BRD4: variants seen among roughly 807,000 people sequenced by gnomAD.
The protein encoded by BRD4 is bromodomain containing 4.
BRD4 carries 16 observed loss-of-function variants against 142.1 expected under a neutral mutation model. The ratio of observed to expected loss-of-function variants is 0.11; its 90% confidence interval spans 0.08 to 0.17. The LOEUF (loss-of-function observed/expected upper bound fraction) is 0.17, where lower values mean the gene tolerates loss of function less well. Ranked by LOEUF, BRD4 falls within the 10% of genes least tolerant of loss-of-function variation. The pLI, the probability that BRD4 is intolerant of heterozygous loss-of-function variation, is 1.00. For synonymous variants in BRD4, 833 were observed against 707.5 expected, an observed-to-expected ratio of 1.18 and a Z score of -2.82; for missense variants, 1,424 against 1,810.9, an observed-to-expected ratio of 0.79 and a Z score of 3.88.
intron 14 of BRD4, among the ~76,000 whole-genome samples, chr19:15,242,144 T>C (rs2047242880): frequency 1.3e-5 from 2 of 152,006 alleles, no homozygotes; most frequent in Admixed American, 1.3e-4. Flanking sequence ...GGGTTAGGAG[T>C]AATCACAGCC....
intron 1 of BRD4, among the ~76,000 whole-genome samples, chr19:15,310,058 G>C (rs1239008670): frequency 1.3e-5 from 2 of 152,008 alleles, no homozygotes; most frequent in Non-Finnish European, 2.9e-5. Context: ...ATAGAGAAAT[G>C]TTAATTCTGT....
Position 15,244,306 on chromosome 19 carries a change from G to A in BRD4, c.2506C>T (p.Pro836Ser), listed in dbSNP as rs1326616087. The A allele has an allele frequency of 6.3e-7, 1 of 1,597,392 alleles. No individual in the cohort carries two copies. The highest frequency in any genetic ancestry group is 1.1e-5 in the South Asian group (1 of 88,100). ...TCAGGCGGCTGGGGCAGGTGAGGGGGCAGCTCAGGCTGCGGCAGGTGCAGG... is the reference window on the plus strand; with the variant it reads ...TCAGGCGGCTGGGGCAGGTGAGGGGACAGCTCAGGCTGCGGCAGGTGCAGG... The part of the protein sequence containing the change: ...PILHLPQPEL[P>S]PHLPQPPEHS... Residue 836 changes from proline to serine, a missense_variant, in exon 13 of 20, where the codon CCC becomes TCC. By Grantham distance (74) the Pro-to-Ser change is moderately conservative. Transcript: ENST00000679869.
chr19:15,294,725 A>T (rs1180380056), intron 1 of BRD4, among the ~76,000 whole-genome samples: 1 of 152,130 alleles, frequency 6.6e-6, no homozygotes, highest in East Asian at 1.9e-4. Flanking sequence ...TGCCATGGCT[A>T]ATCCAAAATG....
chr19:15,287,214 C>T (rs184694310), intron 1 of BRD4, among the ~76,000 whole-genome samples: 102 of 151,386 alleles, frequency 6.7e-4, no homozygotes, highest in Admixed American at 6.7e-3. Context: ...AATGTTTATG[C>T]GGTTTTAGAG....
intron 1 of BRD4, among the ~76,000 whole-genome samples, chr19:15,316,760 G>A (rs917882003): frequency 1.3e-5 from 2 of 152,228 alleles, no homozygotes; most frequent in Non-Finnish European, 2.9e-5. Context: ...ATGTCTGGGT[G>A]AAAAGGAGAC....
At chr19:15,307,676 G>C (rs538865447) in intron 1 of BRD4, among the ~76,000 whole-genome samples, 6 of 152,258 alleles carry the variant, frequency 3.9e-5, no homozygotes, top group African/African-American at 1.4e-4. Context: ...AACTACTTGA[G>C]AGGCTGAGGA....
rs541498496 is a variant in BRD4 at position 15,238,289 on chromosome 19, C to T, written c.*88G>A. The T allele has an allele frequency of 3.4e-5, 54 of 1,582,936 alleles. No individual in the cohort carries two copies. In the African/African-American group the frequency reaches 3.6e-4, roughly 11 times the overall value. On this transcript the variant is annotated 3_prime_UTR_variant, in exon 20 of 20. Coordinates refer to ENST00000679869, the MANE Select transcript of BRD4 (RefSeq NM_001379291.1). This position sits in a 1 kb window ranked among gnomAD's most constrained non-coding sequence, Gnocchi z 7.2. ...GCCAGGCCCTGAGGCATCCCCTGGC[C>T]GCTGATCCCACCTCCACCACCGCCC...
At chr19:15,326,673 G>A (rs72994031) in intron 1 of BRD4, among the ~76,000 whole-genome samples, 4,033 of 152,078 alleles carry the variant, frequency 0.027, 76 homozygotes, top group Non-Finnish European at 0.043. Context: ...TAAAGAAAAA[G>A]CCTTACAATC....
intron 2 of BRD4, among the ~76,000 whole-genome samples, chr19:15,270,329 A>G (rs2047573695): frequency 6.6e-6 from 1 of 152,174 alleles, no homozygotes; most frequent in Admixed American, 6.5e-5. Context: ...ACCTGCTTAC[A>G]TGTAAGGTTT....
At position 15,243,127 on chromosome 19, in the gene BRD4, T is replaced by C. The variant is rs1599433051; in HGVS notation, c.2942A>G (p.Gln981Arg). The change falls in exon 14 of 20, where the codon CAG becomes CGG. Residue 981 changes from glutamine (Q) to arginine (R), a missense_variant. By Grantham distance (43) the Gln-to-Arg change is conservative (BLOSUM62 1). This residue lies in a region of BRD4 where 598 missense variants were observed against 647.8 expected (regional missense o/e 0.92). Coordinates refer to ENST00000679869, the MANE Select transcript of BRD4 (RefSeq NM_001379291.1). The stretch of plus-strand genomic sequence containing the variant: ...CTGCTGCTGGGGTGGAGGCTGGGGC[T>C]GGGGTGGTGGGGGTGGTGGCGGCTG... Reference protein sequence around the residue: ...QQQPPPPPPPQPQPPPQQQHQ... With the variant: ...QQQPPPPPPPRPQPPPQQQHQ... The C allele has an allele frequency of 4.8e-6, 1 of 207,144 alleles. No individual in the cohort carries two copies. The highest frequency in any genetic ancestry group is 7.7e-6 in the Non-Finnish European group (1 of 129,048). 12.8% of individuals were successfully genotyped at this position (207,144 alleles called of 1,614,324 possible).
At chr19:15,301,382 G>GA (rs970831082) in intron 1 of BRD4, among the ~76,000 whole-genome samples, 20 of 151,890 alleles carry the variant, frequency 1.3e-4, no homozygotes, top group African/African-American at 4.8e-4. Flanking sequence ...CCAACATGGT[G>GA]AAACCCCGCC....
At chr19:15,276,818 A>G (rs1490612452) in intron 1 of BRD4, among the ~76,000 whole-genome samples, 1 of 152,174 alleles carries the variant, frequency 6.6e-6, no homozygotes, top group Non-Finnish European at 1.5e-5. Context: ...TTGACATGGC[A>G]TTCTCCCGAG....
At chr19:15,303,458 G>A (rs778707858) in intron 1 of BRD4, among the ~76,000 whole-genome samples, 17 of 152,154 alleles carry the variant, frequency 1.1e-4, no homozygotes, top group Admixed American at 2.6e-4. Context: ...TCAAAACTCC[G>A]TACTAGCTCT....
chr19:15,250,872 C>T (rs1352684062), intron 11 of BRD4, among the ~76,000 whole-genome samples: 1 of 152,182 alleles, frequency 6.6e-6, no homozygotes, highest in East Asian at 1.9e-4. Context: ...CACAGCCCAC[C>T]TGGGACAGTG....
chr19:15,240,596 C>T (rs934980379), intron 14 of BRD4, among the ~76,000 whole-genome samples: 10 of 152,182 alleles, frequency 6.6e-5, no homozygotes, highest in Admixed American at 2.6e-4. Flanking sequence ...CCACCTGCGC[C>T]GAGTGGGGAG....
intron 6 of BRD4, chr19:15,264,105 G>C (rs1415814520): frequency 5.6e-6 from 2 of 359,226 alleles, no homozygotes; most frequent in Non-Finnish European, 1.0e-5. Context: ...CATCTACTGT[G>C]TGGGCAAGGT....
At position 15,256,165 on chromosome 19, in the gene BRD4, C is replaced by T. The variant is rs201918611; in HGVS notation, c.1650G>A (p.Lys550=). Residue 550 remains lysine (K), a synonymous_variant, in exon 9 of 20, where the codon AAG becomes AAA. Transcript: ENST00000679869. ...EKDKKEKKKE[K]HKRKEEVEEN... Reference sequence around the variant, plus strand: ...CTTCCACTTCCTCTTTCCTTTTGTGCTTTTCTTTTTTCTTTTCCTTCTTGT... The same window carrying T: ...CTTCCACTTCCTCTTTCCTTTTGTGTTTTTCTTTTTTCTTTTCCTTCTTGT... The T allele has an allele frequency of 5.0e-6, 8 of 1,612,332 alleles. No homozygotes were observed. The highest frequency in any genetic ancestry group is 3.4e-6 in the Non-Finnish European group (4 of 1,179,936).
At chr19:15,321,711 A>G (rs1024823528) in intron 1 of BRD4, among the ~76,000 whole-genome samples, 2 of 152,162 alleles carry the variant, frequency 1.3e-5, no homozygotes, top group African/African-American at 4.8e-5. Context: ...TAATACAACC[A>G]TTTCCTCACA....
chr19:15,299,100 A>T (rs1171157387), intron 1 of BRD4, among the ~76,000 whole-genome samples: 1 of 152,192 alleles, frequency 6.6e-6, no homozygotes, highest in Non-Finnish European at 1.5e-5. Context: ...GTGGCTAGGT[A>T]TCCCCCATTT....
Sources: allele counts gnomAD v4.1 joint callset (sites outside exome capture counted in the v4.1 genomes callset), GRCh38; gene constraint gnomAD v4.1.1; regional missense constraint gnomAD v4.1.1; non-coding constraint Gnocchi (gnomAD v3.1); transcripts MANE v1.5; gene names NCBI Gene and HGNC (gene_info 2026-07-23, HGNC 2026-07-21).